ZNF611: variants seen among roughly 807,000 people sequenced by gnomAD.
The protein encoded by ZNF611 is zinc finger protein 611.
A neutral mutation model predicts 8.9 loss-of-function variants in ZNF611; 6 were observed. The observed-to-expected ratio is 0.68, with a 90% CI of 0.37 to 1.34. The LOEUF (loss-of-function observed/expected upper bound fraction) is 1.34. Among genes scored for constraint, ZNF611 ranks in the 40% most tolerant of loss-of-function variants. The pLI is 0.02. For missense variants in ZNF611, 874 were observed against 841.3 expected (o/e 1.04, Z -0.48); for synonymous variants, 262 against 279.7 (o/e 0.94, Z 0.63).
intron 5 of ZNF611, chr19:52,711,297 A>G (rs2062277971): frequency 6.6e-6 from 1 of 152,056 alleles, no homozygotes; most frequent in Admixed American, 6.6e-5. Flanking sequence ...GTGCCATTGC[A>G]CTTCAGCCTG....
intron 3 of ZNF611, chr19:52,724,418 C>A: frequency 6.6e-6 from 1 of 152,432 alleles, no homozygotes; most frequent in East Asian, 1.9e-4. Flanking sequence ...AGGGTTGCGG[C>A]TAGGGTTACA....
intron 3 of ZNF611, among the ~76,000 whole-genome samples, chr19:52,716,835 C>G (rs1285831284): frequency 2.0e-5 from 3 of 152,084 alleles, no homozygotes; most frequent in Non-Finnish European, 4.4e-5. Flanking sequence ...GGCAGTCAGA[C>G]CACTTGGGGT....
chr19:52,729,492 C>CAAAAAAAAAAAAAAAA (rs397859789), intron 2 of ZNF611, among the ~76,000 whole-genome samples: 89 of 42,360 alleles, frequency 2.1e-3, no homozygotes, highest in African/African-American at 4.4e-3. Flanking sequence ...GACTCCATCT[C>CAAAAAAAAAAAAAAAA]AAAAAAAAAA....
intron 3 of ZNF611, chr19:52,723,733 T>C (rs1454880056): frequency 6.6e-6 from 1 of 152,172 alleles, no homozygotes. Context: ...TCCCTCAATA[T>C]TTATTGATCA....
At chr19:52,733,580 ACTACAGG>A (rs1258362663) in intron 1 of ZNF611, among the ~76,000 whole-genome samples, 1 of 119,034 alleles carries the variant, frequency 8.4e-6, no homozygotes, top group Non-Finnish European at 1.8e-5. Context: ...GAGACTACAG[ACTACAGG>A]CGTGAGCCAC....
chr19:52,725,452 G>A (rs1384580817), intron 3 of ZNF611, among the ~76,000 whole-genome samples: 1 of 152,196 alleles, frequency 6.6e-6, no homozygotes, highest in Non-Finnish European at 1.5e-5. Context: ...GCAAGGGGCA[G>A]GATGAGTCAA....
At chr19:52,717,425 G>A (rs1027776008) in intron 3 of ZNF611, among the ~76,000 whole-genome samples, 2 of 152,192 alleles carry the variant, frequency 1.3e-5, no homozygotes, top group Non-Finnish European at 2.9e-5. Context: ...GACAGCTCAA[G>A]TGAAGGCCCT....
In ZNF611 at chr19:52,706,225, T is replaced by C; in HGVS notation, c.830A>G (p.His277Arg). 6.2e-7 allele frequency: 1 copy of C among 1,614,190 alleles called. No individual in the cohort carries two copies. The highest frequency in any genetic ancestry group is 8.5e-7 in the Non-Finnish European group (1 of 1,180,008). ...TTTCTCAACAGTGTGACATCTATCA[T>C]GGCATGCAAGGTATTGCTCGTGATT... ...LFNHEQYLAC[H>R]DRCHTVEKPY... Residue 277 changes from histidine (H) to arginine (R), a missense_variant, in exon 6 of 6, where the codon CAT becomes CGT. Physicochemically the swap from His to Arg is conservative, Grantham distance 29 (BLOSUM62 0). Transcript: ENST00000652185.
At position 52,711,941 on chromosome 19, in the gene ZNF611, C is replaced by A. The variant is rs113939006; in HGVS notation, c.190+2074G>T. On this transcript the variant is annotated intron_variant, in intron 5 of 5. Coordinates refer to ENST00000652185, the MANE Select transcript of ZNF611 (RefSeq NM_001161499.2). ...GTAGGAGTGAACTTTGTGCATGCAC[C>A]TCTGTGGGAATATAATTCCACCAAG... Among the ~76,000 whole-genome samples, 1,118 of 151,524 alleles carry A rather than the reference C, an allele frequency of 7.4e-3. 11 individuals carry two copies. The highest frequency in any genetic ancestry group is 0.016 in the African/African-American group (658 of 40,994).
rs765077690 is a variant in ZNF611, at chr19:52,705,054, T to C, written c.2001A>G (p.Arg667=). The change falls in exon 6 of 6, where the codon AGA becomes AGG. Residue 667 remains arginine (R), a synonymous_variant. Coordinates refer to ENST00000652185, the MANE Select transcript of ZNF611 (RefSeq NM_001161499.2). The part of the protein sequence containing the change: ...KAFVRNSLLS[R]HTRIHTAEKP... ...TCTCTGCAGTGTGAATTCTGGTATG[T>C]CTTGACAGGAGTGAATTACGCACGA... 9 of 1,614,046 alleles carry C rather than the reference T, an allele frequency of 5.6e-6. No homozygotes were observed. The East Asian group carries it at 1.6e-4, about 28-fold the overall frequency.
rs987791560 is a variant in ZNF611 at position 52,703,612 on chromosome 19, G to A, written c.*1325C>T. ...TCCTTTTTTTTTTTTTTTTTTTTGA[G>A]ATAGACTCTCACTCTGTCGCCCAGG... On this transcript the variant is annotated 3_prime_UTR_variant, in exon 6 of 6. Transcript: ENST00000652185. The A allele has an allele frequency of 4.9e-5, 5 of 101,548 alleles. No homozygotes were observed. Among genetic ancestry groups the A allele is most frequent in the Admixed American group, 1.1e-4 (1 of 8,960 alleles). The allele number at this position is 101,548 out of a possible 1,614,324, so 6.3% of individuals were successfully genotyped here.
chr19:52,709,431 C>T (rs577069631), intron 5 of ZNF611, among the ~76,000 whole-genome samples: 8 of 152,124 alleles, frequency 5.3e-5, no homozygotes, highest in Admixed American at 1.3e-4. Context: ...CACCACCATG[C>T]CCAGATAATT....
At chr19:52,709,040 C>T (rs965442042) in intron 5 of ZNF611, among the ~76,000 whole-genome samples, 4 of 151,974 alleles carry the variant, frequency 2.6e-5, no homozygotes, top group African/African-American at 7.3e-5. Context: ...TCAGAGAAAA[C>T]ATTGTATAAA....
chr19:52,705,314 G>A lies in ZNF611; in HGVS notation c.1741C>T (p.Leu581Phe). 6.2e-7 allele frequency: 1 copy of A among 1,614,092 alleles called. No homozygotes were observed. The change falls in exon 6 of 6, where the codon CTT (leucine) becomes TTT (phenylalanine). Residue 581 changes from leucine to phenylalanine, a missense_variant. Coordinates refer to ENST00000652185, the MANE Select transcript of ZNF611 (RefSeq NM_001161499.2). ...CTATGAACTCTATGATGGCATACAA[G>A]GTATGACCTGTGACTGAAGGTCTTG... ...CSKTFSHRSY[L>F]VCHHRVHSGE... is the part of the protein sequence containing the mutation.
chr19:52,704,646 C>G lies in ZNF611; in HGVS notation c.*291G>C, dbSNP rs1287264553. ...TATGGATTCTCCAATGATTTGTAAT[C>G]GTTGTAGCATTACTGAAGACTTTGT... On this transcript the variant is annotated 3_prime_UTR_variant, in exon 6 of 6. Transcript: ENST00000652185. 2.5e-6 allele frequency: 4 copies of G among 1,588,386 alleles called. No homozygotes were observed. The highest frequency in any genetic ancestry group is 1.7e-4 in the Middle Eastern group (1 of 6,020).
intron 5 of ZNF611, among the ~76,000 whole-genome samples, chr19:52,712,604 C>T (rs1056913871): frequency 1.3e-5 from 2 of 150,352 alleles, no homozygotes; most frequent in Non-Finnish European, 3.0e-5. Flanking sequence ...CACCACTGCA[C>T]TCCAGCATGG....
rs1171348978 is a variant in ZNF611 at position 52,705,038 on chromosome 19, T to G, written c.2017A>C (p.Thr673Pro). ...SLLSRHTRIH[T>P]AEKPYKCNEC... ...TTACACTTGTAAGGTTTCTCTGCAG[T>G]GTGAATTCTGGTATGTCTTGACAGG... Residue 673 changes from threonine (T) to proline (P), a missense_variant, in exon 6 of 6, where the codon ACT (threonine) becomes CCT (proline). Transcript: ENST00000652185. The G allele has an allele frequency of 3.7e-5, 60 of 1,613,896 alleles. No individual in the cohort carries two copies. The highest frequency in any genetic ancestry group is 5.1e-5 in the Non-Finnish European group (60 of 1,179,990).
chr19:52,732,427 A>G (rs66730402), intron 1 of ZNF611, among the ~76,000 whole-genome samples: 7,832 of 62,740 alleles, frequency 0.12, 908 homozygotes, highest in East Asian at 0.17. Flanking sequence ...GTTATTCTGA[A>G]TAACTCACAG....
rs1190726957 is a variant in ZNF611, at chr19:52,704,778, T to C, written c.*159A>G. The C allele has an allele frequency of 2.5e-6, 4 of 1,593,770 alleles. No individual in the cohort carries two copies. The highest frequency in any genetic ancestry group is 2.6e-6 in the Non-Finnish European group (3 of 1,162,260). ...TGCCACACTCATTACACTTGTAAGGTTTCTCTCCAGTGTGAAGTCCAGTAT... is the reference window on the plus strand; with the variant it reads ...TGCCACACTCATTACACTTGTAAGGCTTCTCTCCAGTGTGAAGTCCAGTAT... On this transcript the variant is annotated 3_prime_UTR_variant, in exon 6 of 6. Coordinates refer to ENST00000652185, the MANE Select transcript of ZNF611 (RefSeq NM_001161499.2).
Sources: allele counts gnomAD v4.1 joint callset (sites outside exome capture counted in the v4.1 genomes callset), GRCh38; gene constraint gnomAD v4.1.1; transcripts MANE v1.5; gene names NCBI Gene and HGNC (gene_info 2026-07-23, HGNC 2026-07-21).